Variants in AKAP13 observed in about 807,000 individuals in gnomAD.
The protein encoded by AKAP13 is A-kinase anchoring protein 13, also known as A-kinase anchor protein 13.
Under a neutral mutation model 264.5 loss-of-function variants are expected in AKAP13, and 80 were observed. The observed-to-expected ratio is 0.30, with a 90% CI of 0.25 to 0.36. The LOEUF is 0.36. Among genes scored for constraint, AKAP13 ranks in the 10% least tolerant of loss-of-function variants. The probability of loss-of-function intolerance (pLI) is 1.00; values close to 1 mark genes in which losing one functional copy is unlikely to be tolerated. For synonymous variants in AKAP13, 1,380 were observed against 1,250.2 expected, an observed-to-expected ratio of 1.10 and a Z score of -2.19; for missense variants, 3,712 against 3,435.2, an observed-to-expected ratio of 1.08 and a Z score of -2.01.
Position 85,645,864 on chromosome 15 carries a change from A to T in AKAP13, c.4284A>T (p.Ser1428=). Residue 1428 remains serine, a synonymous_variant, in exon 10 of 37, where the codon TCA becomes TCT. Transcript: ENST00000394518. ...LDVGLGRECT[S]KQGVLKRESG... ...TTGGACTGGGCAGAGAGTGTACCTC[A>T]AAACAAGGTGTACTTAAAAGAGAAT... 1 of 1,613,174 alleles carries T rather than the reference A, an allele frequency of 6.2e-7. No homozygotes were observed. Among genetic ancestry groups the T allele is most frequent in the Non-Finnish European group, 8.5e-7 (1 of 1,179,940 alleles).
At chr15:85,510,096 C>T (rs188486877) in intron 2 of AKAP13, among the ~76,000 whole-genome samples, 14 of 152,324 alleles carry the variant, frequency 9.2e-5, no homozygotes, top group Admixed American at 3.3e-4. Flanking sequence ...CCTTGCTTCT[C>T]TTACTATGCT....
At chr15:85,517,242 A>G (rs1310878033) in intron 2 of AKAP13, among the ~76,000 whole-genome samples, 2 of 152,066 alleles carry the variant, frequency 1.3e-5, no homozygotes, top group Non-Finnish European at 2.9e-5. Flanking sequence ...TCATTCTCCT[A>G]ATCCATATCT....
intron 8 of AKAP13, among the ~76,000 whole-genome samples, chr15:85,615,811 A>G (rs2080909441): frequency 6.6e-6 from 1 of 152,172 alleles, no homozygotes; most frequent in South Asian, 2.1e-4. Flanking sequence ...ATAACTTCCT[A>G]GTCTCAGACT....
chr15:85,432,589 TTAC>T (rs2073070417), intron 1 of AKAP13, among the ~76,000 whole-genome samples: 1 of 152,184 alleles, frequency 6.6e-6, no homozygotes, highest in Admixed American at 6.5e-5. Flanking sequence ...AGGAAAAACT[TTAC>T]TTTGTTATCT....
At position 85,708,687 on chromosome 15, in the gene AKAP13, C is replaced by T. The variant is rs2086456172; in HGVS notation, c.5532+601C>T. Among the ~76,000 whole-genome samples the T allele has an allele frequency of 6.6e-6, 1 of 152,184 alleles. No homozygotes were observed. The highest frequency in any genetic ancestry group is 1.5e-5 in the Non-Finnish European group (1 of 68,032). ...AAAAAGTGTGGGTTAAGGGCCATAC[C>T]TTTTAGGTAGCCTGTGAGGTTTTCA... is the stretch of plus-strand genomic sequence containing the variant. On this transcript the variant is annotated intron_variant, in intron 18 of 36. Transcript: ENST00000394518. This position sits in a 1 kb window ranked among gnomAD's most constrained non-coding sequence, Gnocchi z 4.3.
chr15:85,452,198 A>T (rs1435085552), intron 1 of AKAP13, among the ~76,000 whole-genome samples: 2 of 144,494 alleles, frequency 1.4e-5, no homozygotes, highest in Non-Finnish European at 3.0e-5. Context: ...TGTGATATTC[A>T]GCTCTGTCAG....
chr15:85,398,941 C>T (rs938721893), intron 1 of AKAP13, among the ~76,000 whole-genome samples: 1 of 151,998 alleles, frequency 6.6e-6, no homozygotes, highest in Non-Finnish European at 1.5e-5. Context: ...TCTTTTTTCC[C>T]CATCACCCTT....
In AKAP13 at chr15:85,620,213, G is replaced by A. The variant is rs753984747; in HGVS notation, c.4162-19161G>A. The A allele has an allele frequency of 4.6e-6, 7 of 1,528,890 alleles. No individual in the cohort carries two copies. The South Asian group carries it at 8.3e-5, about 18-fold the overall frequency. 94.7% of individuals were successfully genotyped at this position (1,528,890 alleles called of 1,614,324 possible). A position where few individuals can be genotyped will look rare whatever the true frequency, so the allele number is the denominator to read the frequency against. On this transcript the variant is annotated intron_variant, in intron 8 of 36. Transcript: ENST00000394518. ...CCTCATGCATTCTGAAGCTCTGCAGGCTGTTTTAGCGCTTTGAACCCGGTA... is the reference window on the plus strand; with the variant it reads ...CCTCATGCATTCTGAAGCTCTGCAGACTGTTTTAGCGCTTTGAACCCGGTA...
intron 1 of AKAP13, among the ~76,000 whole-genome samples, chr15:85,458,386 G>GTATTTT (rs2074362019): frequency 9.6e-6 from 1 of 103,932 alleles, no homozygotes; most frequent in African/African-American, 5.1e-5. Flanking sequence ...TGTATTTTTT[G>GTATTTT]TTTTTTGTTT....
intron 9 of AKAP13, among the ~76,000 whole-genome samples, chr15:85,643,510 A>G (rs2082407122): frequency 6.6e-6 from 1 of 152,234 alleles, no homozygotes; most frequent in Admixed American, 6.5e-5. Flanking sequence ...ACACAGAGAC[A>G]ACATAATTAC....
intron 3 of AKAP13, among the ~76,000 whole-genome samples, chr15:85,526,054 T>G (rs1161948723): frequency 2.0e-5 from 3 of 152,208 alleles, no homozygotes; most frequent in Non-Finnish European, 2.9e-5. Context: ...CTTTATTGAC[T>G]CCAAATTTGA....
chr15:85,742,680 G>C (rs1008310526), intron 35 of AKAP13, among the ~76,000 whole-genome samples: 5 of 152,210 alleles, frequency 3.3e-5, no homozygotes, highest in African/African-American at 4.8e-5. Flanking sequence ...TTATTTCAGT[G>C]ATATTCCTTG....
intron 8 of AKAP13, among the ~76,000 whole-genome samples, chr15:85,626,604 A>G (rs1041039469): frequency 2.0e-5 from 3 of 152,230 alleles, no homozygotes; most frequent in African/African-American, 4.8e-5. Flanking sequence ...CTAATATTCA[A>G]TTGTAAGTAT....
chr15:85,654,072 A>G (rs76305971), intron 10 of AKAP13, among the ~76,000 whole-genome samples: 4,681 of 152,364 alleles, frequency 0.031, 248 homozygotes, highest in African/African-American at 0.11. Flanking sequence ...AGTTACACAG[A>G]ACCTGTTAGG....
chr15:85,564,276 A>G (rs1169991110), intron 5 of AKAP13, among the ~76,000 whole-genome samples: 3 of 152,218 alleles, frequency 2.0e-5, no homozygotes, highest in Non-Finnish European at 4.4e-5. Flanking sequence ...GAAACGTGCA[A>G]TGAACTCCTA....
intron 17 of AKAP13, chr15:85,702,698 T>C (rs2086005062): frequency 6.6e-6 from 1 of 152,218 alleles, no homozygotes; most frequent in South Asian, 2.1e-4. Flanking sequence ...ATCATGATGA[T>C]ATGTTATGAT....
chr15:85,716,109 G>A (rs2086921130), intron 20 of AKAP13, among the ~76,000 whole-genome samples, 186 bp downstream of exon 20: 1 of 151,822 alleles, frequency 6.6e-6, no homozygotes, highest in East Asian at 1.9e-4. Flanking sequence ...TCTGTCGCAA[G>A]GATCTCCTTT....
Position 85,727,003 on chromosome 15 carries a change from G to A in AKAP13, c.6823-63G>A, listed in dbSNP as rs1404439189. 13 of 1,576,344 alleles carry A rather than the reference G, an allele frequency of 8.2e-6. No homozygotes were observed. Among genetic ancestry groups the A allele is most frequent in the Middle Eastern group, 3.3e-4 (2 of 5,984 alleles). ...GCATCTGGTCTTACCTTAGATTGAA[G>A]CTGTCCTTCAGAGTTAGAATATTGT... On this transcript the variant is annotated intron_variant, in intron 27 of 36. Coordinates refer to ENST00000394518, the MANE Select transcript of AKAP13 (RefSeq NM_007200.5). This position sits in a 1 kb window ranked among gnomAD's most constrained non-coding sequence, Gnocchi z 5.3.
At chr15:85,739,403 G>A (rs552487462) in intron 33 of AKAP13, among the ~76,000 whole-genome samples, 60 of 151,932 alleles carry the variant, frequency 3.9e-4, no homozygotes, top group Non-Finnish European at 7.2e-4. Context: ...TATGCTATTG[G>A]CCATTTATAT....
Sources: gnomAD v4.1 joint callset for allele counts (sites outside exome capture counted in the v4.1 genomes callset) on GRCh38, gnomAD v4.1.1 for gene constraint, Gnocchi (gnomAD v3.1) non-coding constraint, MANE v1.5 for transcripts, NCBI Gene and HGNC (gene_info 2026-07-23, HGNC 2026-07-21) for gene names.